Variants in ZNF324B observed in about 807,000 individuals in gnomAD.
ZNF324B encodes the protein zinc finger protein 324B.
A neutral mutation model predicts 10.6 loss-of-function variants in ZNF324B; 7 were observed. The ratio of observed to expected loss-of-function variants is 0.66; its 90% CI spans 0.38 to 1.24. ZNF324B has a LOEUF of 1.24. Among genes scored for constraint, ZNF324B ranks in the 50% most tolerant of loss-of-function variants. The probability of loss-of-function intolerance (pLI) is 0.02; values close to 1 mark genes in which losing one functional copy is unlikely to be tolerated. For synonymous variants in ZNF324B, 316 were observed against 321.0 expected, an observed-to-expected ratio of 0.98 and a Z score of 0.17; for missense variants, 640 against 764.7, an observed-to-expected ratio of 0.84 and a Z score of 1.92.
the ZNF324B span, chr19:58,433,298 A>G: frequency 3.8e-6 from 6 of 1,583,216 alleles, no homozygotes; most frequent in South Asian, 5.8e-5. Flanking sequence ...ATTTTCTCAC[A>G]AAGACCACTT....
the ZNF324B span, chr19:58,429,609 C>G: frequency 1.3e-5 from 2 of 152,408 alleles, no homozygotes; most frequent in African/African-American, 4.8e-5. Flanking sequence ...TCATGATCTG[C>G]CTGCCTCAGC....
chr19:58,439,623 G>A, the ZNF324B span: 1 of 893,984 alleles, frequency 1.1e-6, no homozygotes, highest in East Asian at 3.3e-5. Context: ...TGACTCCCAG[G>A]GCAGGGCCCA....
chr19:58,439,837 G>A, the ZNF324B span: 1 of 1,537,876 alleles, frequency 6.5e-7, no homozygotes, highest in South Asian at 1.2e-5. Flanking sequence ...GAGGCCCAGG[G>A]CTAGCCCTGC....
At chr19:58,428,756 G>A in the ZNF324B span, 2 of 152,216 alleles carry the variant, frequency 1.3e-5, no homozygotes, top group African/African-American at 4.8e-5. Context: ...AGTTTCTGAT[G>A]TGCGTTTAGA....
Position 58,456,183 on chromosome 19 carries a change from T to C in ZNF324B, c.1239T>C (p.Phe413=), listed in dbSNP as rs2052918680. 1.2e-6 allele frequency: 2 copies of C among 1,612,246 alleles called. No homozygotes were observed. Among genetic ancestry groups the C allele is most frequent in the Admixed American group, 1.7e-5 (1 of 59,978 alleles). The change falls in exon 4 of 4, where the codon TTT becomes TTC. Residue 413 remains phenylalanine, a synonymous_variant. Transcript: ENST00000336614. The surrounding 1 kb of genome is among the most constrained non-coding windows in gnomAD (Gnocchi z 4.7). ...GAAFSQGSSL[F]LHQRVHTGEK... is the part of the protein sequence containing the mutation. Reference sequence around the variant, plus strand: ...CCTTCAGCCAGGGCTCCTCGCTCTTTTTGCACCAGCGCGTGCACACAGGCG... The same window carrying C: ...CCTTCAGCCAGGGCTCCTCGCTCTTCTTGCACCAGCGCGTGCACACAGGCG...
the ZNF324B span, chr19:58,443,941 C>G: frequency 6.6e-6 from 1 of 152,260 alleles, no homozygotes; most frequent in African/African-American, 2.4e-5. Flanking sequence ...GCCACCACCC[C>G]CGCCATGTGA....
the ZNF324B span, among the ~76,000 whole-genome samples, chr19:58,439,561 T>C: frequency 3.9e-5 from 6 of 152,298 alleles, no homozygotes; most frequent in African/African-American, 1.4e-4. Flanking sequence ...ATTCCAGAAA[T>C]GGGAATCCCT....
chr19:58,434,232 C>T, the ZNF324B span: 3 of 1,613,918 alleles, frequency 1.9e-6, no homozygotes, highest in East Asian at 2.2e-5. Context: ...ATTGACTGCA[C>T]TCATAAGGTC....
the ZNF324B span, among the ~76,000 whole-genome samples, chr19:58,425,312 C>A: frequency 0.55 from 83,255 of 151,600 alleles, 24,441 homozygotes; most frequent in African/African-American, 0.77. Flanking sequence ...TTAAACTCCC[C>A]GGCTCAAGTG....
At chr19:58,436,469 A>T in the ZNF324B span, among the ~76,000 whole-genome samples, 2 of 152,020 alleles carry the variant, frequency 1.3e-5, no homozygotes, top group Non-Finnish European at 2.9e-5. Flanking sequence ...GATTGAGACC[A>T]TCCTGGCTAA....
chr19:58,434,479 A>T, the ZNF324B span: 1 of 1,614,202 alleles, frequency 6.2e-7, no homozygotes, highest in Non-Finnish European at 8.5e-7. Flanking sequence ...CCCACATGCA[A>T]TGCACTCATA....
chr19:58,431,893 G>A, the ZNF324B span, among the ~76,000 whole-genome samples: 74 of 152,264 alleles, frequency 4.9e-4, no homozygotes, highest in Non-Finnish European at 1.0e-4. Flanking sequence ...TCGGGAGGCT[G>A]AGGCAGGAGA....
the ZNF324B span, among the ~76,000 whole-genome samples, chr19:58,425,991 T>TGAATCA: frequency 6.6e-6 from 1 of 152,248 alleles, no homozygotes; most frequent in Non-Finnish European, 1.5e-5. Flanking sequence ...ATCACCTTCT[T>TGAATCA]GAATCACAGT....
At chr19:58,422,812 T>A in the ZNF324B span, among the ~76,000 whole-genome samples, 1 of 151,788 alleles carries the variant, frequency 6.6e-6, no homozygotes, top group Admixed American at 6.6e-5. Flanking sequence ...AAAAAAAAAA[T>A]GATACAAACA....
At chr19:58,453,890 C>G in intron 2 of ZNF324B, 68 bp downstream of exon 2, 1 of 1,568,488 alleles carries the variant, frequency 6.4e-7, no homozygotes, top group Admixed American at 1.8e-5. Flanking sequence ...CACTTCCCTC[C>G]TGGTTGATGA....
chr19:58,451,772 G>C (rs1194639486), intron 1 of ZNF324B, 68 bp downstream of exon 1: 3 of 334,492 alleles, frequency 9.0e-6, no homozygotes, highest in Non-Finnish European at 1.7e-5. Flanking sequence ...TGGTCGGCCC[G>C]GGGGCGGTCG....
upstream of ZNF324B, among the ~76,000 whole-genome samples, chr19:58,448,130 G>A (rs554567374): frequency 1.9e-4 from 29 of 152,318 alleles, no homozygotes; most frequent in Admixed American, 3.9e-4. Context: ...AAAGATACCC[G>A]AAAATGTGGA....
In ZNF324B at chr19:58,456,544, A is replaced by AAG; in HGVS notation, c.1601_1602dup (p.Pro535SerfsTer6). ...TCATCGGAAGGTGCGCCGGGGAGGG[A>AAG]AGCCAAGCCCAGTCCTGAAGCCAGC... is the stretch of plus-strand genomic sequence containing the variant. On this transcript the variant is annotated frameshift_variant, in exon 4 of 4. Coordinates refer to ENST00000336614, the MANE Select transcript of ZNF324B (RefSeq NM_207395.3). LOFTEE classifies it low-confidence loss of function (END_TRUNC). This position sits in a 1 kb window ranked among gnomAD's most constrained non-coding sequence, Gnocchi z 4.7. The AAG allele has an allele frequency of 1.2e-6, 2 of 1,614,136 alleles. No homozygotes were observed. The highest frequency in any genetic ancestry group is 1.7e-6 in the Non-Finnish European group (2 of 1,179,990).
the ZNF324B span, among the ~76,000 whole-genome samples, chr19:58,427,347 TTCC>T: frequency 3.1e-5 from 1 of 32,496 alleles, no homozygotes; most frequent in African/African-American, 1.2e-4. Flanking sequence ...TTCTTTCTCT[TTCC>T]TTTCTTTCTT....
Sources: gnomAD v4.1 joint callset for allele counts (sites outside exome capture counted in the v4.1 genomes callset) on GRCh38, gnomAD v4.1.1 for gene constraint, Gnocchi (gnomAD v3.1) non-coding constraint, MANE v1.5 for transcripts, NCBI Gene and HGNC (gene_info 2026-07-23, HGNC 2026-07-21) for gene names.